Variants in NDRG2 observed in about 807,000 individuals in gnomAD.
The protein encoded by NDRG2 is NDRG family member 2.
In NDRG2, 34 loss-of-function variants were observed where a neutral mutation model predicts 58.2. The observed-to-expected ratio is 0.58, with a 90% confidence interval of 0.44 to 0.78. NDRG2 has a LOEUF of 0.78. Ranked by LOEUF, NDRG2 falls within the 30% of genes least tolerant of loss-of-function variation. The pLI, the probability that NDRG2 is intolerant of heterozygous loss-of-function variation, is 0.00. For synonymous variants in NDRG2, 187 were observed against 175.9 expected (o/e 1.06, Z -0.50); for missense variants, 434 against 471.2 (o/e 0.92, Z 0.73).
At chr14:21,023,164 G>T in intron 2 of NDRG2, 77 bp downstream of exon 2, 1 of 1,233,746 alleles carries the variant, frequency 8.1e-7, no homozygotes, top group Non-Finnish European at 1.2e-6. Flanking sequence ...AGATCAGTAC[G>T]CTTGGGAAGT....
At chr14:21,025,593 C>A, upstream of NDRG2, 1 of 985,428 alleles carries the variant, frequency 1.0e-6, no homozygotes, top group Non-Finnish European at 1.2e-6. The surrounding 1 kb of genome is among the most constrained non-coding windows in gnomAD (Gnocchi z 5.1). Flanking sequence ...CTGGCAGGGG[C>A]AGGTGTGCTG....
upstream of NDRG2, chr14:21,030,628 G>A (rs1363896606): frequency 1.2e-6 from 2 of 1,614,036 alleles, no homozygotes; most frequent in Non-Finnish European, 1.7e-6. Flanking sequence ...GCTGCGTTTG[G>A]AGAATCATCA....
chr14:21,026,888 G>T (rs1276101280), upstream of NDRG2, among the ~76,000 whole-genome samples: 3 of 152,294 alleles, frequency 2.0e-5, no homozygotes, highest in East Asian at 3.9e-4. Flanking sequence ...AGCCAAAGGT[G>T]CGCAAGACAG....
chr14:21,069,788 A>G (rs1007313609), intron 1 of NDRG2, among the ~76,000 whole-genome samples: 2 of 152,154 alleles, frequency 1.3e-5, no homozygotes, highest in Admixed American at 6.5e-5. Flanking sequence ...AGGGGCCTGA[A>G]GGTCTCATTT....
chr14:21,046,755 A>C (rs1885184199), intron 1 of NDRG2: 1 of 152,232 alleles, frequency 6.6e-6, no homozygotes, highest in Admixed American at 6.5e-5. Context: ...ACGTTCAGTT[A>C]ACATATATTT....
At chr14:21,068,898 G>A (rs1233104117) in intron 1 of NDRG2, among the ~76,000 whole-genome samples, 1 of 152,248 alleles carries the variant, frequency 6.6e-6, no homozygotes, top group Non-Finnish European at 1.5e-5. Flanking sequence ...GTCCAGAGGA[G>A]GTGAGAGAAG....
upstream of NDRG2, chr14:21,028,836 G>T (rs1883872648): frequency 6.6e-6 from 1 of 152,052 alleles, no homozygotes; most frequent in South Asian, 2.1e-4. Context: ...CAATAGGAAT[G>T]GAAAGAAAGG....
intron 1 of NDRG2, among the ~76,000 whole-genome samples, chr14:21,056,914 C>G (rs895772514): frequency 1.1e-4 from 16 of 152,160 alleles, no homozygotes; most frequent in African/African-American, 3.6e-4. Context: ...TCCAGCAGGG[C>G]AAAATGTCAG....
At chr14:21,062,019 A>C (rs1885988948) in intron 1 of NDRG2, among the ~76,000 whole-genome samples, 1 of 152,252 alleles carries the variant, frequency 6.6e-6, no homozygotes, top group African/African-American at 2.4e-5. Context: ...TTAACTACTT[A>C]CAAATAAGAT....
Position 21,017,365 on chromosome 14 carries a change from A to T in NDRG2, c.*231T>A. ...CTTAACATCAAAATGGGGGAGGAGG[A>T]GAATTTAGGGGTCTGGGTCCCTAAG... On this transcript the variant is annotated 3_prime_UTR_variant, in exon 16 of 16. Coordinates refer to ENST00000556147, the MANE Select transcript of NDRG2 (RefSeq NM_001320329.2). The T allele has an allele frequency of 1.7e-6, 1 of 578,820 alleles. No individual in the cohort carries two copies. The highest frequency in any genetic ancestry group is 2.9e-5 in the East Asian group (1 of 33,910). 35.9% of individuals were successfully genotyped at this position (578,820 alleles called of 1,614,324 possible). A position where few individuals can be genotyped will look rare whatever the true frequency, so the allele number is the denominator to read the frequency against.
In NDRG2 at chr14:21,024,112, A is replaced by C. The variant is rs77824635; in HGVS notation, c.-89T>G. On this transcript the variant is annotated 5_prime_UTR_variant, in exon 1 of 16. Coordinates refer to ENST00000556147, the MANE Select transcript of NDRG2 (RefSeq NM_001320329.2). ...ACTCTGGGGTCTGAGAAAACACAGC[A>C]ACGAGGTGAATGACATGGGAGACAG... 3.2e-3 allele frequency: 3,116 copies of C among 985,416 alleles called. 77 individuals are homozygous for C. In the African/African-American group the frequency reaches 0.051, roughly 16 times the overall value. 61.0% of individuals were successfully genotyped at this position (985,416 alleles called of 1,614,324 possible).
At chr14:21,069,590 C>A (rs1440318520) in intron 1 of NDRG2, among the ~76,000 whole-genome samples, 2 of 152,236 alleles carry the variant, frequency 1.3e-5, no homozygotes, top group Non-Finnish European at 2.9e-5. Flanking sequence ...GATGTCCGCC[C>A]CCTATCCCAA....
intron 1 of NDRG2, among the ~76,000 whole-genome samples, chr14:21,060,914 A>C (rs1396626794): frequency 2.0e-5 from 3 of 152,124 alleles, no homozygotes; most frequent in Admixed American, 6.5e-5. Context: ...ACTGAGTTTT[A>C]TTTTCTTTTG....
rs970286695 is a variant in NDRG2, at chr14:21,057,635, A to ATATATG, written c.24+13192_24+13193insCATATA. Among the ~76,000 whole-genome samples the ATATATG allele has an allele frequency of 1.4e-4, 21 of 147,886 alleles. 1 individual carries two copies. The highest frequency in any genetic ancestry group is 5.0e-4 in the African/African-American group (20 of 39,842). ...ATTTTATTCATATATATATATATAT[A>ATATATG]TGTGAGAAGGTAATCATACCCATAA... On this transcript the variant is annotated intron_variant, in intron 1 of 14. Coordinates refer to the NDRG2 transcript ENST00000403829.
intron 1 of NDRG2, among the ~76,000 whole-genome samples, chr14:21,064,196 A>G (rs1482006603): frequency 1.3e-5 from 2 of 152,232 alleles, no homozygotes; most frequent in Non-Finnish European, 2.9e-5. Flanking sequence ...ATTTCTACAA[A>G]TCTTTTTATA....
chr14:21,022,556 C>A, intron 3 of NDRG2, 59 bp from the exon 4 acceptor site: 1 of 1,303,306 alleles, frequency 7.7e-7, no homozygotes. Flanking sequence ...AGAAAAGGAG[C>A]AACACCAAGG....
At chr14:21,053,418 G>T (rs1251758388) in intron 1 of NDRG2, among the ~76,000 whole-genome samples, 1 of 152,116 alleles carries the variant, frequency 6.6e-6, no homozygotes, top group Non-Finnish European at 1.5e-5. Flanking sequence ...ATGAGGTCAG[G>T]AGTTCGAGAC....
intron 2 of NDRG2, 167 bp from the exon 3 acceptor site, chr14:21,023,072 C>A: frequency 1.0e-6 from 1 of 957,198 alleles, no homozygotes; most frequent in Non-Finnish European, 1.6e-6. Flanking sequence ...AGTGTAGTGA[C>A]GAGACAAGGG....
intron 1 of NDRG2, among the ~76,000 whole-genome samples, chr14:21,053,428 C>T (rs191441531): frequency 6.6e-6 from 1 of 152,110 alleles, no homozygotes; most frequent in Non-Finnish European, 1.5e-5. Flanking sequence ...GAGTTCGAGA[C>T]CAGCCTGGCC....
Sources: gnomAD v4.1 joint callset for allele counts (sites outside exome capture counted in the v4.1 genomes callset) on GRCh38, gnomAD v4.1.1 for gene constraint, Gnocchi (gnomAD v3.1) non-coding constraint, MANE v1.5 for transcripts, NCBI Gene and HGNC (gene_info 2026-07-23, HGNC 2026-07-21) for gene names.